STK31: variants seen among roughly 807,000 people sequenced by gnomAD.
STK31 encodes serine/threonine-protein kinase 31.
STK31 carries 89 observed loss-of-function variants against 129.7 expected under a neutral mutation model. The ratio of observed to expected loss-of-function variants is 0.69; its 90% confidence interval spans 0.58 to 0.82. STK31 has a LOEUF of 0.82. Ranked by LOEUF, STK31 falls within the 40% of genes least tolerant of loss-of-function variation. The pLI is 0.00. For synonymous variants in STK31, 448 were observed against 395.3 expected (o/e 1.13, Z -1.58); for missense variants, 1,187 against 1,176.4 (o/e 1.01, Z -0.13).
rs775077185 is a variant in STK31 at position 23,754,351 on chromosome 7, T to C, written c.1170T>C (p.Leu390=). 6.8e-6 allele frequency: 11 copies of C among 1,613,346 alleles called. No homozygotes were observed. The highest frequency in any genetic ancestry group is 3.3e-5 in the Admixed American group (2 of 59,836). ...TCAGTGTCCGTTTCGGAAAAGACCT[T>C]TCAGATGCTATACAAGTGTTGGATG... The part of the protein sequence containing the change: ...VDISVRFGKD[L]SDAIQVLDEG... The change falls in exon 10 of 24, where the codon CTT becomes CTC. Residue 390 remains leucine, a synonymous_variant. Transcript: ENST00000355870.
At chr7:23,768,891 TG>T in intron 11 of STK31, 103 bp from the exon 12 acceptor site, 1 of 922,694 alleles carries the variant, frequency 1.1e-6, no homozygotes, top group Non-Finnish European at 1.5e-6. Context: ...TTCTCAAGAA[TG>T]GGGATTCAGC....
At chr7:23,752,450 A>G (rs1562572234) in intron 8 of STK31, among the ~76,000 whole-genome samples, 1 of 151,876 alleles carries the variant, frequency 6.6e-6, no homozygotes, top group South Asian at 2.1e-4. Context: ...CCCTAACTCA[A>G]GCCATCCTCT....
chr7:23,768,364 G>A (rs1789959562), intron 11 of STK31, among the ~76,000 whole-genome samples: 1 of 152,132 alleles, frequency 6.6e-6, no homozygotes, highest in African/African-American at 2.4e-5. Flanking sequence ...GCCTCACGAT[G>A]CATTTCTTAG....
chr7:23,719,558 C>T (rs1454126165), intron 4 of STK31, among the ~76,000 whole-genome samples: 1 of 152,058 alleles, frequency 6.6e-6, no homozygotes, highest in Non-Finnish European at 1.5e-5. Context: ...ACATTTCTGA[C>T]AGGTGACAAC....
chr7:23,823,873 G>A (rs1480682539), intron 23 of STK31, among the ~76,000 whole-genome samples: 2 of 152,100 alleles, frequency 1.3e-5, no homozygotes, highest in Non-Finnish European at 2.9e-5. Flanking sequence ...CCCATTGCTT[G>A]TTTTTGTCAG....
chr7:23,826,653 G>C (rs1794170447), intron 23 of STK31, among the ~76,000 whole-genome samples: 1 of 152,082 alleles, frequency 6.6e-6, no homozygotes, highest in Non-Finnish European at 1.5e-5. Context: ...GATGTTAGCT[G>C]GTTATTTTGC....
chr7:23,725,372 CAAAAAAAAAA>C (rs57280021), intron 4 of STK31, among the ~76,000 whole-genome samples: 12 of 57,760 alleles, frequency 2.1e-4, no homozygotes, highest in African/African-American at 4.5e-4. Context: ...CCTGTTTCTA[CAAAAAAAAAA>C]AAAAAAAAAA....
chr7:23,791,025 C>T, intron 22 of STK31, 79 bp downstream of exon 22: 1 of 1,193,720 alleles, frequency 8.4e-7, no homozygotes, highest in East Asian at 3.1e-5. Flanking sequence ...AGTGATTCTC[C>T]TTAAAAATAA....
In STK31 at chr7:23,729,107, T is replaced by G; in HGVS notation, c.341T>G (p.Ile114Ser). ...ISVEKCLVRY[I>S]DYGNTEILNR... The stretch of plus-strand genomic sequence containing the variant: ...TTTTTCCAGTGTCTGGTGAGGTACA[T>G]TGACTATGGAAATACTGAAATTCTA... The change falls in exon 6 of 24, where the codon ATT (isoleucine) becomes AGT (serine). Residue 114 changes from isoleucine to serine, a missense_variant. Ile to Ser is a moderately radical substitution (Grantham distance 142, BLOSUM62 -2). Transcript: ENST00000355870. The G allele has an allele frequency of 6.2e-7, 1 of 1,609,120 alleles. No homozygotes were observed. Among genetic ancestry groups the G allele is most frequent in the Non-Finnish European group, 8.5e-7 (1 of 1,178,802 alleles).
chr7:23,748,207 G>A (rs374669868), intron 8 of STK31, among the ~76,000 whole-genome samples: 3 of 152,196 alleles, frequency 2.0e-5, no homozygotes, highest in East Asian at 3.9e-4. Context: ...TGACTCATGT[G>A]TTATTAGTAA....
intron 23 of STK31, among the ~76,000 whole-genome samples, chr7:23,824,617 A>G (rs1275591361): frequency 1.3e-5 from 2 of 152,228 alleles, no homozygotes; most frequent in Non-Finnish European, 2.9e-5. Flanking sequence ...TGCCCTGGCC[A>G]GAACTTCCAA....
At chr7:23,774,382 G>A (rs1790402636) in intron 15 of STK31, among the ~76,000 whole-genome samples, 1 of 152,068 alleles carries the variant, frequency 6.6e-6, no homozygotes, top group Admixed American at 6.6e-5. Context: ...GGTTGAACTA[G>A]TTTACAGTCC....
chr7:23,753,905 A>G (rs1788882607), intron 9 of STK31, among the ~76,000 whole-genome samples: 1 of 152,214 alleles, frequency 6.6e-6, no homozygotes, highest in African/African-American at 2.4e-5. Context: ...CAATTAGCCT[A>G]TGATACTATG....
chr7:23,772,069 CAG>C (rs1343647458), intron 14 of STK31, 76 bp from the exon 15 acceptor site: 59 of 1,121,070 alleles, frequency 5.3e-5, no homozygotes, highest in Non-Finnish European at 7.0e-5. Context: ...TGAATCTTAA[CAG>C]AGAAATAATA....
chr7:23,781,581 A>T, intron 16 of STK31, 61 bp downstream of exon 16: 1 of 1,264,006 alleles, frequency 7.9e-7, no homozygotes, highest in Non-Finnish European at 1.1e-6. Flanking sequence ...GAATTTAAAT[A>T]CCCGTTTTAT....
chr7:23,817,235 T>G (rs551494329), intron 23 of STK31, among the ~76,000 whole-genome samples: 47 of 152,232 alleles, frequency 3.1e-4, no homozygotes, highest in African/African-American at 1.1e-3. Context: ...CTGCAAGTAA[T>G]CATGCCTTGC....
intron 22 of STK31, among the ~76,000 whole-genome samples, chr7:23,810,671 A>T (rs1304674307): frequency 7.6e-6 from 1 of 131,572 alleles, no homozygotes; most frequent in Non-Finnish European, 1.6e-5. Context: ...AATATATAAT[A>T]TATATAAAAT....
At chr7:23,712,211 C>T in intron 2 of STK31, 23 bp from the exon 3 acceptor site, 1 of 1,613,788 alleles carries the variant, frequency 6.2e-7, no homozygotes, top group Non-Finnish European at 8.5e-7. Context: ...TCTAATTTTC[C>T]TTGTATTGTG....
intron 23 of STK31, among the ~76,000 whole-genome samples, chr7:23,828,219 CTTTG>C (rs1175958165): frequency 0.011 from 1,695 of 152,252 alleles, 29 homozygotes; most frequent in African/African-American, 0.037. Flanking sequence ...AGGGAGGCCT[CTTTG>C]AGCTGTGGTG....
Sources: allele counts gnomAD v4.1 joint callset (sites outside exome capture counted in the v4.1 genomes callset), GRCh38; gene constraint gnomAD v4.1.1; transcripts MANE v1.5; gene names NCBI Gene and HGNC (gene_info 2026-07-23, HGNC 2026-07-21).